STX18: variants seen among roughly 807,000 people sequenced by gnomAD.
The protein encoded by STX18 is syntaxin-18.
STX18 carries 40 observed loss-of-function variants against 50.1 expected under a neutral mutation model. The observed-to-expected ratio is 0.80, with a 90% CI of 0.62 to 1.04. STX18 has a LOEUF of 1.04. Ranked by LOEUF, STX18 falls within the 50% of genes least tolerant of loss-of-function variation. The pLI, the probability that STX18 is intolerant of heterozygous loss-of-function variation, is 0.00. For missense variants in STX18, 410 were observed against 415.8 expected, an observed-to-expected ratio of 0.99 and a Z score of 0.12; for synonymous variants, 158 against 151.8, an observed-to-expected ratio of 1.04 and a Z score of -0.30.
At chr4:4,437,722 C>T (rs1725862075) in intron 6 of STX18, 3 of 639,732 alleles carry the variant, frequency 4.7e-6, no homozygotes, top group Non-Finnish European at 5.8e-6. Context: ...CCCTGTGATT[C>T]ACACAAAGAA....
At chr4:4,460,894 C>T (rs1391413878) in intron 2 of STX18, among the ~76,000 whole-genome samples, 2 of 152,112 alleles carry the variant, frequency 1.3e-5, no homozygotes, top group African/African-American at 4.8e-5. Flanking sequence ...GAATGGCTCC[C>T]CTCTGGGGAG....
At chr4:4,453,035 G>T (rs552720049) in intron 5 of STX18, among the ~76,000 whole-genome samples, 3 of 152,318 alleles carry the variant, frequency 2.0e-5, no homozygotes, top group Non-Finnish European at 1.5e-5. Context: ...CACTTGAATG[G>T]ATAGAAGCTG....
intron 5 of STX18, among the ~76,000 whole-genome samples, chr4:4,445,991 TG>T (rs942363612): frequency 3.3e-5 from 5 of 152,210 alleles, no homozygotes; most frequent in Non-Finnish European, 5.9e-5. Context: ...ATCAGACCAA[TG>T]ATACTGAATA....
rs192587922 is a variant in STX18 at position 4,454,696 on chromosome 4, C to T, written c.497+2495G>A. ...ACACACCCAGATATTTTTCTTTTGA[C>T]AGCCAACACAAACCCCATTGCTTGA... On this transcript the variant is annotated intron_variant, in intron 5 of 10. Coordinates refer to ENST00000306200, the MANE Select transcript of STX18 (RefSeq NM_016930.4). Among the ~76,000 whole-genome samples, 217 of 152,326 alleles carry T rather than the reference C, an allele frequency of 1.4e-3. 1 individual carries two copies. Among genetic ancestry groups the T allele is most frequent in the Non-Finnish European group, 1.7e-3 (118 of 68,028 alleles).
rs564308447 is a variant in STX18, at chr4:4,427,262, C to T, written c.703-2040G>A. 5.9e-5 allele frequency among the ~76,000 whole-genome samples: 9 copies of T among 152,294 alleles called. No individual in the cohort carries two copies. In the East Asian group the frequency reaches 1.2e-3, roughly 20 times the overall value. ...GGAAGGGGCAAAGCTCTGGGAAGGG[C>T]GGAAGTGCCAGGAAAGCTCCCTGCA... is the stretch of plus-strand genomic sequence containing the variant. On this transcript the variant is annotated intron_variant, in intron 7 of 10. Coordinates refer to ENST00000306200, the MANE Select transcript of STX18 (RefSeq NM_016930.4).
intron 2 of STX18, chr4:4,462,053 C>T (rs1727408228): frequency 2.2e-6 from 1 of 444,854 alleles, no homozygotes; most frequent in African/African-American, 2.0e-5. Context: ...TCAACAAGGC[C>T]ACCCGCCTGC....
intron 1 of STX18, among the ~76,000 whole-genome samples, chr4:4,514,205 G>A (rs1020411363): frequency 2.6e-5 from 4 of 152,142 alleles, no homozygotes; most frequent in African/African-American, 9.7e-5. Context: ...AAGGATACAC[G>A]TAGATATATG....
intron 6 of STX18, among the ~76,000 whole-genome samples, chr4:4,436,189 T>C (rs1725765633): frequency 6.6e-6 from 1 of 152,198 alleles, no homozygotes; most frequent in Non-Finnish European, 1.5e-5. Context: ...CTGAAAGTTA[T>C]GGTTATTTAT....
intron 1 of STX18, among the ~76,000 whole-genome samples, chr4:4,526,462 G>A (rs1730763689): frequency 6.6e-6 from 1 of 152,166 alleles, no homozygotes; most frequent in Admixed American, 6.5e-5. Flanking sequence ...CAGGGTGGAG[G>A]AGCTCTCTGG....
intron 5 of STX18, among the ~76,000 whole-genome samples, chr4:4,440,117 G>A (rs1221004444): frequency 1.3e-5 from 2 of 152,160 alleles, no homozygotes; most frequent in African/African-American, 4.8e-5. Context: ...CTTTGTAATA[G>A]CTTTACTAGA....
chr4:4,467,334 T>C (rs1324149336), intron 2 of STX18, among the ~76,000 whole-genome samples: 1 of 152,202 alleles, frequency 6.6e-6, no homozygotes, highest in Non-Finnish European at 1.5e-5. Context: ...CCAAAGTTAG[T>C]TTGGCCTACG....
intron 2 of STX18, chr4:4,462,089 A>G (rs564631575): frequency 4.7e-6 from 2 of 428,666 alleles, no homozygotes; most frequent in African/African-American, 4.0e-5. Context: ...TTGCTGACCT[A>G]GATTTTACCA....
At position 4,423,809 on chromosome 4, in the gene STX18, A is replaced by G. The variant is rs1725094701; in HGVS notation, c.762-222T>C. ...TAGCCTAGCACACTGGTCTTTTTGG[A>G]AGTCCACTCTACCATGCCAACTGAC... On this transcript the variant is annotated intron_variant, in intron 8 of 10. Transcript: ENST00000306200. 3 of 570,348 alleles carry G rather than the reference A, an allele frequency of 5.3e-6. No homozygotes were observed. In the African/African-American group the frequency reaches 5.7e-5, roughly 11 times the overall value. The allele number at this position is 570,348 out of a possible 1,614,324, so 35.3% of individuals were successfully genotyped here. A position where few individuals can be genotyped will look rare whatever the true frequency, so the allele number is the denominator to read the frequency against.
chr4:4,447,592 CAAAAAAAAAAAAAAAAAAAAAAAAAAA>C (rs34300930), intron 5 of STX18, among the ~76,000 whole-genome samples: 3 of 45,878 alleles, frequency 6.5e-5, no homozygotes, highest in Non-Finnish European at 1.2e-4. Context: ...CTCCGTCTCA[CAAAAAAAAAAAAAAAAAAAAAAAAAAA>C]AAAAAAAAAA....
intron 7 of STX18, 24 bp from the exon 8 acceptor site, chr4:4,425,246 G>T: frequency 6.2e-7 from 1 of 1,608,200 alleles, no homozygotes. Context: ...GACACACTCA[G>T]GATGACATCA....
chr4:4,481,168 G>T (rs554906965), intron 1 of STX18, among the ~76,000 whole-genome samples: 1 of 152,298 alleles, frequency 6.6e-6, no homozygotes, highest in South Asian at 2.1e-4. Context: ...AAAATGATGG[G>T]ATTCTTCTCA....
intron 2 of STX18, among the ~76,000 whole-genome samples, chr4:4,470,384 G>A (rs1428427154): frequency 1.3e-5 from 2 of 152,170 alleles, no homozygotes; most frequent in Non-Finnish European, 2.9e-5. Flanking sequence ...CCACAGTTGA[G>A]TGCTGCTGGG....
At chr4:4,494,014 C>A (rs115927814) in intron 1 of STX18, among the ~76,000 whole-genome samples, 1,904 of 152,298 alleles carry the variant, frequency 0.013, 48 homozygotes, top group African/African-American at 0.043. Flanking sequence ...TTCAGTACCT[C>A]CATAAGCCCA....
Position 4,479,677 on chromosome 4 carries a change from G to A in STX18, c.169-7971C>T, listed in dbSNP as rs555857357. Among the ~76,000 whole-genome samples the A allele has an allele frequency of 5.9e-5, 9 of 152,078 alleles. No homozygotes were observed. In the South Asian group the frequency reaches 8.3e-4, roughly 14 times the overall value. ...TTTTAACTAGCTATATTTTAATGACGCTAATTTCCTAGATCATCAAGACAT... is the reference window on the plus strand; with the variant it reads ...TTTTAACTAGCTATATTTTAATGACACTAATTTCCTAGATCATCAAGACAT... On this transcript the variant is annotated intron_variant, in intron 1 of 10. Transcript: ENST00000306200.
Sources: gnomAD v4.1 joint callset for allele counts (sites outside exome capture counted in the v4.1 genomes callset) on GRCh38, gnomAD v4.1.1 for gene constraint, MANE v1.5 for transcripts, NCBI Gene and HGNC (gene_info 2026-07-23, HGNC 2026-07-21) for gene names.